Variants in BPHL observed in about 807,000 individuals in gnomAD.
The protein encoded by BPHL is biphenyl hydrolase like.
Under a neutral mutation model 31.2 loss-of-function variants are expected in BPHL, and 27 were observed. That is an observed-to-expected ratio of 0.87 (90% CI 0.64 to 1.19). BPHL has a LOEUF of 1.19. Among genes scored for constraint, BPHL ranks in the 50% most tolerant of loss-of-function variants. The pLI, the probability that BPHL is intolerant of heterozygous loss-of-function variation, is 0.00. For missense variants in BPHL, 356 were observed against 375.7 expected, an observed-to-expected ratio of 0.95 and a Z score of 0.43; for synonymous variants, 150 against 146.8, an observed-to-expected ratio of 1.02 and a Z score of -0.16.
rs962346480 is a variant in BPHL, at chr6:3,128,984, C to T, written c.379-61C>T. 5.0e-6 allele frequency: 8 copies of T among 1,606,226 alleles called. No homozygotes were observed. The South Asian group carries it at 5.5e-5, about 11-fold the overall frequency. On this transcript the variant is annotated intron_variant, in intron 3 of 6. Coordinates refer to ENST00000380379, the MANE Select transcript of BPHL (RefSeq NM_004332.4). ...GTATTGATTCTGATAATTAGTGATT[C>T]AGTTTCTTTTAACAGAGAGGAGCAA...
intron 4 of BPHL, among the ~76,000 whole-genome samples, chr6:3,133,380 CT>C (rs1761927420): frequency 6.6e-6 from 1 of 152,220 alleles, no homozygotes; most frequent in Admixed American, 6.5e-5. Flanking sequence ...ACCAGTCTGC[CT>C]TCCATGATGC....
At position 3,127,227 on chromosome 6, in the gene BPHL, A is replaced by G. The variant is rs371170900; in HGVS notation, c.212-15A>G. ...GAAAGCGATCACCTGAGGGTAACCA[A>G]GTGGCTGTTTTTAGGAAGTGGAGAG... On this transcript the variant is annotated splice_polypyrimidine_tract_variant and intron_variant, in intron 2 of 6. Transcript: ENST00000380379. 4 of 1,507,282 alleles carry G rather than the reference A, an allele frequency of 2.7e-6. No individual in the cohort carries two copies. The highest frequency in any genetic ancestry group is 1.3e-5 in the South Asian group (1 of 77,224). 93.4% of individuals were successfully genotyped at this position (1,507,282 alleles called of 1,614,324 possible). A position where few individuals can be genotyped will look rare whatever the true frequency, so the allele number is the denominator to read the frequency against.
chr6:3,119,141 C>A, intron 1 of BPHL: 1 of 771,718 alleles, frequency 1.3e-6, no homozygotes, highest in Non-Finnish European at 2.1e-6. Context: ...CCAGAGAGAC[C>A]CAGGGAGATA....
intron 6 of BPHL, among the ~76,000 whole-genome samples, chr6:3,141,180 A>G (rs544715623): frequency 1.3e-5 from 2 of 152,388 alleles, no homozygotes; most frequent in African/African-American, 4.8e-5. Context: ...ATATCCATTT[A>G]GCATTTTTTA....
At chr6:3,129,603 G>A (rs1381913989) in intron 4 of BPHL, among the ~76,000 whole-genome samples, 2 of 152,130 alleles carry the variant, frequency 1.3e-5, no homozygotes, top group Non-Finnish European at 2.9e-5. Flanking sequence ...GAGCCCAGGA[G>A]GTCGAGGCTG....
chr6:3,126,480 T>C (rs1761714345), intron 2 of BPHL, among the ~76,000 whole-genome samples: 1 of 151,802 alleles, frequency 6.6e-6, no homozygotes, highest in Admixed American at 6.6e-5. Context: ...AGTGCTGAAA[T>C]AATACAGAAG....
chr6:3,148,893 G>A (rs1441713482), intron 6 of BPHL, among the ~76,000 whole-genome samples: 1 of 152,208 alleles, frequency 6.6e-6, no homozygotes, highest in Non-Finnish European at 1.5e-5. Flanking sequence ...GCCAACAAAT[G>A]TAGATTAATT....
At chr6:3,141,115 T>G (rs1281310869) in intron 6 of BPHL, among the ~76,000 whole-genome samples, 1 of 152,228 alleles carries the variant, frequency 6.6e-6, no homozygotes, top group African/African-American at 2.4e-5. Flanking sequence ...TTTTCTATAA[T>G]AAAATACAAT....
At chr6:3,138,040 G>A in intron 5 of BPHL, 1 of 1,213,574 alleles carries the variant, frequency 8.2e-7, no homozygotes, top group Non-Finnish European at 1.1e-6. Context: ...TTTTTTTTTA[G>A]ATGGAGTCTC....
At position 3,140,611 on chromosome 6, in the gene BPHL, G is replaced by A. The variant is rs376294396; in HGVS notation, c.788+102G>A. ...CCAAGAGGAGTTGGAGTTTTAGAGT[G>A]CACAGCCCCCCTTTTGCCAATGCCA... On this transcript the variant is annotated intron_variant, in intron 6 of 6. Transcript: ENST00000380379. The surrounding 1 kb of genome is among the most constrained non-coding windows in gnomAD (Gnocchi z 5.2). 4 of 1,527,270 alleles carry A rather than the reference G, an allele frequency of 2.6e-6. No individual in the cohort carries two copies. The African/African-American group carries it at 5.5e-5, about 21-fold the overall frequency. The allele number at this position is 1,527,270 out of a possible 1,614,324, so 94.6% of individuals were successfully genotyped here. A position where few individuals can be genotyped will look rare whatever the true frequency, so the allele number is the denominator to read the frequency against.
chr6:3,152,646 C>A lies in BPHL; in HGVS notation c.*71C>A. 1.5e-6 allele frequency: 2 copies of A among 1,351,432 alleles called. No homozygotes were observed. The highest frequency in any genetic ancestry group is 2.1e-6 in the Non-Finnish European group (2 of 958,714). 83.7% of individuals were successfully genotyped at this position (1,351,432 alleles called of 1,614,324 possible). On this transcript the variant is annotated 3_prime_UTR_variant, in exon 7 of 7. Transcript: ENST00000380379. ...CGTGTTGCTGCCTGTTAACATGATG[C>A]CTTTGAAACTCTCCGCCTTTGAAAC...
Position 3,149,734 on chromosome 6 carries a change from G to C in BPHL, c.789-2754G>C, listed in dbSNP as rs573956288. On this transcript the variant is annotated intron_variant, in intron 6 of 6. Coordinates refer to ENST00000380379, the MANE Select transcript of BPHL (RefSeq NM_004332.4). The surrounding 1 kb of genome is among the most constrained non-coding windows in gnomAD (Gnocchi z 4.6). ...TGCAACCTCCGCCTACTGGGTTCAA[G>C]TGATTCTGCCTCAGCCTCCCGAGTA... 1.3e-5 allele frequency among the ~76,000 whole-genome samples: 2 copies of C among 152,282 alleles called. No homozygotes were observed. Among genetic ancestry groups the C allele is most frequent in the East Asian group, 3.9e-4 (2 of 5,170 alleles).
chr6:3,122,472 G>C (rs1761603471), intron 1 of BPHL, among the ~76,000 whole-genome samples: 1 of 152,130 alleles, frequency 6.6e-6, no homozygotes, highest in Non-Finnish European at 1.5e-5. Flanking sequence ...CTGGTGCAGG[G>C]GCCGTCTGTG....
chr6:3,137,609 A>C, intron 5 of BPHL, 116 bp downstream of exon 5: 17 of 1,393,962 alleles, frequency 1.2e-5, no homozygotes, highest in Non-Finnish European at 1.7e-5. Flanking sequence ...TCACACGCTC[A>C]TGTGTGAGCA....
intron 6 of BPHL, among the ~76,000 whole-genome samples, chr6:3,141,242 A>G (rs1762166116): frequency 1.3e-5 from 2 of 152,340 alleles, no homozygotes; most frequent in East Asian, 1.9e-4. Flanking sequence ...CACTTCAACC[A>G]TGAATCAAAA....
chr6:3,127,547 G>A (rs150265099), intron 3 of BPHL, 139 bp downstream of exon 3: 105 of 659,648 alleles, frequency 1.6e-4, no homozygotes, highest in African/African-American at 1.5e-3. Flanking sequence ...GTTCAAATAG[G>A]TATAAAGAAG....
intron 6 of BPHL, among the ~76,000 whole-genome samples, chr6:3,151,798 A>G (rs949528388): frequency 6.6e-6 from 1 of 152,162 alleles, no homozygotes; most frequent in African/African-American, 2.4e-5. Context: ...TTTGATCACA[A>G]TCCTGTTGAA....
chr6:3,140,535 T>TC lies in BPHL; in HGVS notation c.788+32dup, dbSNP rs761934515. On this transcript the variant is annotated intron_variant, in intron 6 of 6. Transcript: ENST00000380379. This position sits in a 1 kb window ranked among gnomAD's most constrained non-coding sequence, Gnocchi z 5.2. ...GTAAGTCCTGTCACCGCCTTCACAC[T>TC]CCCCCCGAGAGCCTCGGAGTCAATG... is the stretch of plus-strand genomic sequence containing the variant. The TC allele has an allele frequency of 5.6e-5, 90 of 1,605,244 alleles. No individual in the cohort carries two copies. The highest frequency in any genetic ancestry group is 7.5e-5 in the Non-Finnish European group (88 of 1,177,348).
rs1394378499 is a variant in BPHL, at chr6:3,140,250, G to A, written c.665-136G>A. On this transcript the variant is annotated intron_variant, in intron 5 of 6. Transcript: ENST00000380379. This position sits in a 1 kb window ranked among gnomAD's most constrained non-coding sequence, Gnocchi z 5.2. ...TAGAGCTGGAAGGAATCCCAGGCAC[G>A]GTCAAATCCAAAACACAGTTTTTAC... 3 of 1,109,602 alleles carry A rather than the reference G, an allele frequency of 2.7e-6. No individual in the cohort carries two copies. The highest frequency in any genetic ancestry group is 2.5e-6 in the Non-Finnish European group (2 of 790,472). 68.7% of individuals were successfully genotyped at this position (1,109,602 alleles called of 1,614,324 possible).
Sources: allele counts gnomAD v4.1 joint callset (sites outside exome capture counted in the v4.1 genomes callset), GRCh38; gene constraint gnomAD v4.1.1; non-coding constraint Gnocchi (gnomAD v3.1); transcripts MANE v1.5; gene names NCBI Gene and HGNC (gene_info 2026-07-23, HGNC 2026-07-21).